Variants in MRPL39 observed in about 807,000 individuals in gnomAD.
MRPL39 encodes mitochondrial ribosomal protein L39.
A neutral mutation model predicts 44.5 loss-of-function variants in MRPL39; 35 were observed. The observed-to-expected ratio is 0.79, with a 90% CI of 0.60 to 1.04. MRPL39 has a LOEUF of 1.04. Ranked by LOEUF, MRPL39 falls within the 50% of genes least tolerant of loss-of-function variation. The pLI is 0.00. For missense variants in MRPL39, 433 were observed against 413.5 expected, an observed-to-expected ratio of 1.05 and a Z score of -0.41; for synonymous variants, 139 against 136.1, an observed-to-expected ratio of 1.02 and a Z score of -0.15.
At position 25,594,249 on chromosome 21, in the gene MRPL39, CTTT is replaced by C. The variant is rs34629790; in HGVS notation, c.702-294_702-292del. Among the ~76,000 whole-genome samples the C allele has an allele frequency of 3.3e-4, 18 of 54,254 alleles. 7 individuals carry two copies. Among genetic ancestry groups the C allele is most frequent in the Non-Finnish European group, 5.6e-4 (16 of 28,346 alleles). 35.6% of individuals were successfully genotyped at this position (54,254 alleles called of 152,430 possible). A position where few individuals can be genotyped will look rare whatever the true frequency, so the allele number is the denominator to read the frequency against. ...TTCTTTCCATTTTTATTTCTTTGTT[CTTT>C]TTTTTTTTTTTTTTTTTGAGGCAGG... On this transcript the variant is annotated intron_variant, in intron 6 of 9. Transcript: ENST00000352957.
chr21:25,607,562 G>T (rs1390646803), upstream of MRPL39: 19 of 1,382,952 alleles, frequency 1.4e-5, no homozygotes, highest in African/African-American at 1.1e-4. Flanking sequence ...CGCAGGACAG[G>T]TCTGTTCCGG....
intron 6 of MRPL39, among the ~76,000 whole-genome samples, chr21:25,596,141 C>T (rs2031350964): frequency 6.6e-6 from 1 of 151,968 alleles, no homozygotes; most frequent in South Asian, 2.1e-4. Flanking sequence ...CTCTTTCGCC[C>T]AGGCCGGACT....
intron 9 of MRPL39, among the ~76,000 whole-genome samples, chr21:25,586,421 C>A (rs1052025587): frequency 6.6e-6 from 1 of 152,192 alleles, no homozygotes; most frequent in Admixed American, 6.5e-5. Context: ...TCTCTTCTAT[C>A]CCCCTAACAG....
chr21:25,607,533 G>C, upstream of MRPL39: 3 of 1,565,220 alleles, frequency 1.9e-6, no homozygotes, highest in South Asian at 1.1e-5. Context: ...CCCGGAAACC[G>C]AACGCGCACT....
At chr21:25,587,760 A>G (rs756710851) in intron 9 of MRPL39, 7 of 1,613,076 alleles carry the variant, frequency 4.3e-6, no homozygotes, top group Non-Finnish European at 5.9e-6. Flanking sequence ...ATGACTGCGT[A>G]GTAAATAGAA....
intron 4 of MRPL39, 50 bp downstream of exon 4, chr21:25,601,318 A>C: frequency 3.0e-5 from 36 of 1,215,578 alleles, no homozygotes; most frequent in Non-Finnish European, 3.8e-5. Flanking sequence ...CATCAAAAAT[A>C]GGTACCAAAA....
chr21:25,590,515 G>C (rs1175998849), intron 8 of MRPL39, among the ~76,000 whole-genome samples: 1 of 152,154 alleles, frequency 6.6e-6, no homozygotes, highest in African/African-American at 2.4e-5. Flanking sequence ...GTTAAAGGAT[G>C]ATCCCATTTT....
At chr21:25,601,250 C>A in intron 4 of MRPL39, 118 bp downstream of exon 4, 1 of 481,228 alleles carries the variant, frequency 2.1e-6, no homozygotes, top group Admixed American at 3.5e-5. Flanking sequence ...TTTTGTTACC[C>A]ATGATAAATG....
intron 7 of MRPL39, 98 bp from the exon 8 acceptor site, chr21:25,593,063 C>G: frequency 9.2e-7 from 1 of 1,084,072 alleles, no homozygotes; most frequent in Non-Finnish European, 1.3e-6. Context: ...GCTAACATCC[C>G]TAATCAAGAA....
chr21:25,607,408 T>G lies in MRPL39; in HGVS notation c.68A>C (p.Lys23Thr). 1 of 1,613,580 alleles carries G rather than the reference T, an allele frequency of 6.2e-7. No homozygotes were observed. Among genetic ancestry groups the G allele is most frequent in the Non-Finnish European group, 8.5e-7 (1 of 1,179,906 alleles). The change falls in exon 1 of 10, where the codon AAA becomes ACA. Residue 23 changes from lysine to threonine, a missense_variant. Lys to Thr is a moderately conservative substitution (Grantham distance 78). Coordinates refer to ENST00000352957, the MANE Select transcript of MRPL39 (RefSeq NM_017446.4). ...CTACGGCCTCTGAAACTCACTCCAT[T>G]TGATCCCGCCACCGGGTGCGACCAG... The part of the protein sequence containing the change: ...LWLVAPGGGI[K>T]WRFIATSSAS...
chr21:25,599,704 A>T (rs927945682), intron 5 of MRPL39, 95 bp downstream of exon 5: 13 of 980,448 alleles, frequency 1.3e-5, no homozygotes, highest in Non-Finnish European at 1.9e-5. Context: ...AAATGTTCTC[A>T]ACATGCAGTA....
chr21:25,593,998 A>T (rs767938100), intron 6 of MRPL39, 40 bp from the exon 7 acceptor site: 1 of 1,549,864 alleles, frequency 6.5e-7, no homozygotes, highest in East Asian at 2.2e-5. Flanking sequence ...TTTAACTCAA[A>T]ATATGTAAAA....
At chr21:25,602,323 A>C (rs1418028034) in intron 3 of MRPL39, among the ~76,000 whole-genome samples, 1 of 152,256 alleles carries the variant, frequency 6.6e-6, no homozygotes, top group African/African-American at 2.4e-5. Context: ...TTCCTAAATC[A>C]GTAACCTTGG....
chr21:25,604,295 C>T (rs1221945491), intron 2 of MRPL39, among the ~76,000 whole-genome samples: 1 of 152,018 alleles, frequency 6.6e-6, no homozygotes, highest in Non-Finnish European at 1.5e-5. Flanking sequence ...ACCCAATATA[C>T]TCAAGGTCTT....
chr21:25,604,576 C>G (rs1489159171), intron 2 of MRPL39, among the ~76,000 whole-genome samples: 1 of 152,152 alleles, frequency 6.6e-6, no homozygotes. Flanking sequence ...AAGTTAAATA[C>G]AGTAGTTACC....
In MRPL39 at chr21:25,585,671, T is replaced by G. The variant is rs1362124946; in HGVS notation, c.*36A>C. 2 of 1,135,998 alleles carry G rather than the reference T, an allele frequency of 1.8e-6. No individual in the cohort carries two copies. The highest frequency in any genetic ancestry group is 5.4e-5 in the East Asian group (2 of 37,180). The allele number at this position is 1,135,998 out of a possible 1,614,324, so 70.4% of individuals were successfully genotyped here. On this transcript the variant is annotated 3_prime_UTR_variant, in exon 10 of 10. Transcript: ENST00000352957. ...CACACAAACATTATATTTAAAACAT[T>G]TATTTTATTATACATATTTAAATTT...
Position 25,597,343 on chromosome 21 carries a change from T to A in MRPL39, c.660A>T (p.Glu220Asp). 1 of 1,603,494 alleles carries A rather than the reference T, an allele frequency of 6.2e-7. No individual in the cohort carries two copies. Among genetic ancestry groups the A allele is most frequent in the Non-Finnish European group, 8.5e-7 (1 of 1,173,656 alleles). The change falls in exon 6 of 10, where the codon GAA becomes GAT. Residue 220 changes from glutamate to aspartate, a missense_variant. Glu to Asp is a conservative substitution (Grantham distance 45). Coordinates refer to ENST00000352957, the MANE Select transcript of MRPL39 (RefSeq NM_017446.4). ...IYKDLPFETL[E>D]VEAKVALEIF... Reference sequence around the variant, plus strand: ...TTTCCAATGCCACTTTTGCTTCAACTTCCAGAGTTTCAAATGGAAGATCTT... The same window carrying A: ...TTTCCAATGCCACTTTTGCTTCAACATCCAGAGTTTCAAATGGAAGATCTT...
chr21:25,598,496 T>C (rs963577708), intron 5 of MRPL39, among the ~76,000 whole-genome samples: 2 of 150,608 alleles, frequency 1.3e-5, no homozygotes, highest in East Asian at 1.9e-4. Context: ...TCACAGATAA[T>C]GAAAATTAAA....
At chr21:25,607,331 G>C in intron 1 of MRPL39, 72 bp downstream of exon 1, 1 of 1,553,772 alleles carries the variant, frequency 6.4e-7, no homozygotes, top group Non-Finnish European at 8.8e-7. Context: ...CCCCGGCCCC[G>C]CCTCAGACCC....
Sources: allele counts gnomAD v4.1 joint callset (sites outside exome capture counted in the v4.1 genomes callset), GRCh38; gene constraint gnomAD v4.1.1; transcripts MANE v1.5; gene names NCBI Gene and HGNC (gene_info 2026-07-23, HGNC 2026-07-21).